The following MRPS31 variants were observed in gnomAD, a reference collection of about 807,000 sequenced individuals.
MRPS31 encodes the protein mitochondrial ribosomal protein S31, also known as small ribosomal subunit protein mS31.
A neutral mutation model predicts 43.1 loss-of-function variants in MRPS31; 32 were observed. That is an observed-to-expected ratio of 0.74 (90% CI 0.56 to 1.00). The LOEUF (loss-of-function observed/expected upper bound fraction) is 1.00. MRPS31 is among the 50% of genes least tolerant of loss of function. The pLI, the probability that MRPS31 is intolerant of heterozygous loss-of-function variation, is 0.00. For synonymous variants in MRPS31, 165 were observed against 161.6 expected (o/e 1.02, Z -0.16); for missense variants, 437 against 466.7 (o/e 0.94, Z 0.59).
In MRPS31 at chr13:40,767,009, A is replaced by T. The variant is rs773065063; in HGVS notation, c.177T>A (p.Tyr59Ter). The T allele has an allele frequency of 1.2e-6, 2 of 1,607,556 alleles. No individual in the cohort carries two copies. The highest frequency in any genetic ancestry group is 1.7e-6 in the Non-Finnish European group (2 of 1,178,142). The change falls in exon 2 of 7, where the codon TAT (tyrosine) becomes TAA (stop). Residue 59 changes from tyrosine to a stop codon, truncating the protein, a stop_gained. Coordinates refer to ENST00000323563, the MANE Select transcript of MRPS31 (RefSeq NM_005830.4). LOFTEE classifies it high-confidence loss of function. The stretch of plus-strand genomic sequence containing the variant: ...TACAGATCACACTGTTAGTGCCAAA[A>T]TATCTTTGGATGTTATTTTTTGTCC... ...LARTKNNIQRYFGTNSVICSK... is the reference protein window; with the variant it reads ...LARTKNNIQR
intron 6 of MRPS31, among the ~76,000 whole-genome samples, chr13:40,730,138 AG>A (rs1469570891): frequency 6.6e-6 from 1 of 152,336 alleles, no homozygotes; most frequent in African/African-American, 2.4e-5. Flanking sequence ...GAACTAAAAT[AG>A]CACCTTGCTG....
Position 40,771,097 on chromosome 13 carries a change from G to A in MRPS31, c.40C>T (p.Leu14Phe), listed in dbSNP as rs201928058. The change falls in exon 1 of 7, where the codon CTT becomes TTT. Residue 14 changes from leucine to phenylalanine, a missense_variant. Transcript: ENST00000323563. ...CCAGAGGACAAAGGGTGGCGGGAAA[G>A]GGGGCGAAGAGGTAGGAACGTCGAG... Reference protein sequence around the residue: ...RVSTFLPLRPLSRHPLSSGSP... With the variant: ...RVSTFLPLRPFSRHPLSSGSP... 11 of 1,613,836 alleles carry A rather than the reference G, an allele frequency of 6.8e-6. No individual in the cohort carries two copies. The highest frequency in any genetic ancestry group is 4.0e-5 in the African/African-American group (3 of 75,026).
chr13:40,741,154 A>T (rs1190374662), intron 6 of MRPS31, among the ~76,000 whole-genome samples: 1 of 152,120 alleles, frequency 6.6e-6, no homozygotes, highest in South Asian at 2.1e-4. Context: ...AATAAAACAC[A>T]GCTAAAAGAT....
intron 6 of MRPS31, among the ~76,000 whole-genome samples, chr13:40,745,214 G>A (rs1409147523): frequency 1.3e-5 from 2 of 152,124 alleles, no homozygotes; most frequent in African/African-American, 2.4e-5. Flanking sequence ...GAGCCACTGC[G>A]CCCGGCCATA....
intron 5 of MRPS31, 42 bp downstream of exon 5, chr13:40,753,977 G>A (rs1222846667): frequency 1.6e-6 from 2 of 1,225,076 alleles, no homozygotes; most frequent in Non-Finnish European, 2.4e-6. Flanking sequence ...TGGAACGATG[G>A]AATGTTTCTC....
chr13:40,738,175 C>T (rs1310787189), intron 6 of MRPS31, among the ~76,000 whole-genome samples: 1 of 151,466 alleles, frequency 6.6e-6, no homozygotes, highest in African/African-American at 2.4e-5. Flanking sequence ...CGCAAATAAA[C>T]TAGAAAATCT....
intron 5 of MRPS31, among the ~76,000 whole-genome samples, chr13:40,752,830 C>G (rs1880428464): frequency 6.6e-6 from 1 of 151,844 alleles, no homozygotes; most frequent in Non-Finnish European, 1.5e-5. Flanking sequence ...GCCTCAAATT[C>G]TGGGCTCCAG....
intron 6 of MRPS31, among the ~76,000 whole-genome samples, chr13:40,735,606 C>T (rs1310366853): frequency 6.6e-6 from 1 of 152,092 alleles, no homozygotes; most frequent in African/African-American, 2.4e-5. Flanking sequence ...ACTGCCTCCT[C>T]AAGTGGGTCC....
intron 6 of MRPS31, among the ~76,000 whole-genome samples, 190 bp from the exon 7 acceptor site, chr13:40,729,791 C>T (rs905805644): frequency 6.7e-6 from 1 of 149,536 alleles, no homozygotes; most frequent in African/African-American, 2.5e-5. Flanking sequence ...TGGAGTGGCA[C>T]GATCTCAGCT....
At position 40,729,389 on chromosome 13, in the gene MRPS31, T is replaced by C. The variant is rs142646038; in HGVS notation, c.1171A>G (p.Asn391Asp). 6 of 1,502,028 alleles carry C rather than the reference T, an allele frequency of 4.0e-6. No homozygotes were observed. The African/African-American group carries it at 5.6e-5, about 14-fold the overall frequency. 93.0% of individuals were successfully genotyped at this position (1,502,028 alleles called of 1,614,324 possible). The change falls in exon 7 of 7, where the codon AAC (asparagine) becomes GAC (aspartate). Residue 391 changes from asparagine to aspartate, a missense_variant. Transcript: ENST00000323563. ...NEKKDILKES[N>D]IQFN ...CCATGGTCTTAATTGAACTGTATGT[T>C]ACTTTCTTTTAGAATATCCTTTTTT...
chr13:40,742,632 T>C (rs547719572), intron 6 of MRPS31, among the ~76,000 whole-genome samples: 51 of 152,318 alleles, frequency 3.3e-4, no homozygotes, highest in African/African-American at 1.2e-3. Context: ...TAGGGTTTTA[T>C]GGTAATTTGA....
At chr13:40,764,159 T>C (rs1880778460) in intron 2 of MRPS31, among the ~76,000 whole-genome samples, 1 of 152,000 alleles carries the variant, frequency 6.6e-6, no homozygotes, top group Non-Finnish European at 1.5e-5. Context: ...TCCCTTCATA[T>C]CTGCAGGGGT....
chr13:40,764,590 G>A lies in MRPS31; in HGVS notation c.440+2156C>T, dbSNP rs567820167. On this transcript the variant is annotated intron_variant, in intron 2 of 6. Transcript: ENST00000323563. ...TATTACAAGGCTAGGTCATTAAAAA[G>A]AAAATACAACTTTCTCTTGGCTCAC... Among the ~76,000 whole-genome samples, 14 of 152,216 alleles carry A rather than the reference G, an allele frequency of 9.2e-5. No homozygotes were observed. In the East Asian group the frequency reaches 2.3e-3, roughly 25 times the overall value.
At position 40,754,086 on chromosome 13, in the gene MRPS31, A is replaced by G. The variant is rs1189489931; in HGVS notation, c.747T>C (p.Asn249=). The part of the protein sequence containing the change: ...EKTDDLKKRK[N]IFTGKRLNIF... ...TATTAAGTCTTTTCCCTGTGAATAT[A>G]TTTTTCCTAAGTCCAAAAAAAGAAA... Residue 249 remains asparagine, a synonymous_variant, in exon 5 of 7, where the codon AAT becomes AAC. Transcript: ENST00000323563. 3 of 1,562,684 alleles carry G rather than the reference A, an allele frequency of 1.9e-6. No individual in the cohort carries two copies. Among genetic ancestry groups the G allele is most frequent in the Non-Finnish European group, 2.6e-6 (3 of 1,145,076 alleles).
At chr13:40,766,019 C>T (rs1880835054) in intron 2 of MRPS31, among the ~76,000 whole-genome samples, 1 of 152,142 alleles carries the variant, frequency 6.6e-6, no homozygotes, top group Non-Finnish European at 1.5e-5. Flanking sequence ...AATCAACATG[C>T]TAAAACTTTA....
intron 6 of MRPS31, among the ~76,000 whole-genome samples, chr13:40,741,040 CT>C (rs1880075086): frequency 6.6e-6 from 1 of 150,990 alleles, no homozygotes; most frequent in African/African-American, 2.4e-5. Context: ...GAATTCATGT[CT>C]TACAAAAAAT....
At chr13:40,770,198 C>G (rs1019119404) in intron 1 of MRPS31, among the ~76,000 whole-genome samples, 1 of 152,204 alleles carries the variant, frequency 6.6e-6, no homozygotes, top group African/African-American at 2.4e-5. Flanking sequence ...CAATTTTTCT[C>G]CTCCATTCAG....
intron 2 of MRPS31, among the ~76,000 whole-genome samples, chr13:40,762,718 T>G (rs528126798): frequency 6.6e-6 from 1 of 151,732 alleles, no homozygotes; most frequent in East Asian, 1.9e-4. Flanking sequence ...TTACAGGCTG[T>G]GCCTGGCCCA....
intron 1 of MRPS31, among the ~76,000 whole-genome samples, chr13:40,767,300 G>A (rs905906296): frequency 1.3e-5 from 2 of 152,180 alleles, no homozygotes; most frequent in Non-Finnish European, 1.5e-5. Context: ...TAGGATTGTA[G>A]GCATGTGCCA....
Sources: gnomAD v4.1 joint callset for allele counts (sites outside exome capture counted in the v4.1 genomes callset) on GRCh38, gnomAD v4.1.1 for gene constraint, MANE v1.5 for transcripts, NCBI Gene and HGNC (gene_info 2026-07-23, HGNC 2026-07-21) for gene names.